The following ZNF37A variants were observed in gnomAD, a reference collection of about 807,000 sequenced individuals.
ZNF37A encodes the protein zinc finger protein 37A, also known as zinc finger protein 37a (KOX 21).
Under a neutral mutation model 12.3 loss-of-function variants are expected in ZNF37A, and 10 were observed. The observed-to-expected ratio is 0.82, with a 90% CI of 0.50 to 1.38. ZNF37A has a LOEUF of 1.38. Ranked by LOEUF, ZNF37A falls within the 40% of genes most tolerant of loss-of-function variation. The pLI is 0.00. For synonymous variants in ZNF37A, 207 were observed against 223.0 expected (o/e 0.93, Z 0.64); for missense variants, 580 against 651.2 (o/e 0.89, Z 1.19).
At chr10:38,132,460 C>T (rs2070041479) in intron 7 of ZNF37A, among the ~76,000 whole-genome samples, 1 of 152,004 alleles carries the variant, frequency 6.6e-6, no homozygotes, top group African/African-American at 2.4e-5. Context: ...ATGCTATTCA[C>T]TCATAATGAA....
At chr10:38,135,472 TTAA>T (rs1413704198) in intron 7 of ZNF37A, among the ~76,000 whole-genome samples, 1 of 152,248 alleles carries the variant, frequency 6.6e-6, no homozygotes, top group Non-Finnish European at 1.5e-5. Context: ...CATTGTGTGC[TTAA>T]TAATATAGAT....
chr10:38,131,895 A>G lies in ZNF37A; in HGVS notation c.239-14837A>G, dbSNP rs560386226. Among the ~76,000 whole-genome samples, 6 of 152,230 alleles carry G rather than the reference A, an allele frequency of 3.9e-5. No individual in the cohort carries two copies. The South Asian group carries it at 1.2e-3, about 32-fold the overall frequency. The stretch of plus-strand genomic sequence containing the variant: ...AAGTATTTAATTCTTTTTAGGTGCT[A>G]TTGTAAATGGAGTCACTTCCTAATT... On this transcript the variant is annotated intron_variant, in intron 7 of 7. Transcript: ENST00000638053.
intron 7 of ZNF37A, among the ~76,000 whole-genome samples, chr10:38,116,471 A>G (rs2069278132): frequency 1.3e-5 from 2 of 151,610 alleles, no homozygotes; most frequent in African/African-American, 4.8e-5. Flanking sequence ...CAATGGAAAA[A>G]CAATCAGTAT....
chr10:38,109,972 AC>A (rs1437269593), intron 5 of ZNF37A, among the ~76,000 whole-genome samples: 8 of 152,236 alleles, frequency 5.3e-5, no homozygotes, highest in African/African-American at 1.4e-4. Flanking sequence ...AACATTCTTC[AC>A]AGAATTAGAA....
chr10:38,118,881 T>G lies in ZNF37A; in HGVS notation c.*44T>G. On this transcript the variant is annotated 3_prime_UTR_variant, in exon 8 of 8. Coordinates refer to ENST00000685332, the MANE Select transcript of ZNF37A (RefSeq NM_001324250.3). ...CACAGAACATAAAGGGTGAGAGAAATCTGTTAATATAATGATAATGAGAAC... is the reference window on the plus strand; with the variant it reads ...CACAGAACATAAAGGGTGAGAGAAAGCTGTTAATATAATGATAATGAGAAC... 1 of 1,518,968 alleles carries G rather than the reference T, an allele frequency of 6.6e-7. No individual in the cohort carries two copies. Among genetic ancestry groups the G allele is most frequent in the Non-Finnish European group, 8.8e-7 (1 of 1,138,464 alleles). 94.1% of individuals were successfully genotyped at this position (1,518,968 alleles called of 1,614,324 possible).
chr10:38,100,384 A>G (rs2067465608), intron 5 of ZNF37A, among the ~76,000 whole-genome samples: 1 of 152,094 alleles, frequency 6.6e-6, no homozygotes, highest in African/African-American at 2.4e-5. Context: ...AGCCTGGGAG[A>G]ACTATGGGAG....
rs2068920145 is a variant in ZNF37A at position 38,112,806 on chromosome 10, T to TC, written c.16-1949_16-1948insC. Among the ~76,000 whole-genome samples, 6 of 148,678 alleles carry TC rather than the reference T, an allele frequency of 4.0e-5. 1 individual carries two copies. Among genetic ancestry groups the TC allele is most frequent in the African/African-American group, 1.3e-4 (5 of 38,780 alleles). ...TTTTCTTTTCTTTTCTTGTCTTGTC[T>TC]TGTCTTCTTTTCTTTTCTTTCACAG... On this transcript the variant is annotated intron_variant, in intron 5 of 7. Coordinates refer to ENST00000685332, the MANE Select transcript of ZNF37A (RefSeq NM_001324250.3).
chr10:38,112,310 T>A (rs1389397278), intron 5 of ZNF37A, among the ~76,000 whole-genome samples: 6 of 152,100 alleles, frequency 3.9e-5, no homozygotes, highest in African/African-American at 1.4e-4. Flanking sequence ...CTTCGGGTCT[T>A]TTGAGGTCTT....
At chr10:38,106,034 G>A (rs762525477) in intron 5 of ZNF37A, among the ~76,000 whole-genome samples, 10 of 152,156 alleles carry the variant, frequency 6.6e-5, no homozygotes, top group Non-Finnish European at 1.5e-4. Flanking sequence ...AATTGCAGTG[G>A]TGTGAAAGCA....
At chr10:38,138,982 T>C (rs1229708573) in intron 7 of ZNF37A, 1 of 138,946 alleles carries the variant, frequency 7.2e-6, no homozygotes, top group Non-Finnish European at 1.7e-5. Context: ...GCAGGTGTTC[T>C]TTTTTATAGC....
chr10:38,146,900 CACAA>C (rs1275801764), exon 8 of ZNF37A: 4 of 395,426 alleles, frequency 1.0e-5, no homozygotes, highest in African/African-American at 6.2e-5. Flanking sequence ...AGATGAGAGC[CACAA>C]ACAGAGTTTG....
At chr10:38,133,094 G>T (rs752014437) in intron 7 of ZNF37A, among the ~76,000 whole-genome samples, 4 of 151,810 alleles carry the variant, frequency 2.6e-5, no homozygotes, top group African/African-American at 4.8e-5. Context: ...ATTTATTTTG[G>T]TTACTATTTG....
Position 38,118,162 on chromosome 10 carries a change from T to C in ZNF37A, c.1011T>C (p.Ser337=). Residue 337 remains serine, a synonymous_variant, in exon 8 of 8, where the codon AGT becomes AGC. Transcript: ENST00000685332. ...GTCATGAATGTGGGAAATCCTTCAGTGAAAAGTCAACCCTTACTCAACATC... is the reference window on the plus strand; with the variant it reads ...GTCATGAATGTGGGAAATCCTTCAGCGAAAAGTCAACCCTTACTCAACATC... ...YGCHECGKSF[S]EKSTLTQHQR... 6.2e-7 allele frequency: 1 copy of C among 1,613,940 alleles called. No individual in the cohort carries two copies. Among genetic ancestry groups the C allele is most frequent in the Non-Finnish European group, 8.5e-7 (1 of 1,179,940 alleles).
rs145730068 is a variant in ZNF37A at position 38,133,001 on chromosome 10, T to A, written c.239-13731T>A. On this transcript the variant is annotated intron_variant, in intron 7 of 7. Transcript: ENST00000638053. ...ATAACTTTAATTGCTCTATTGACTC[T>A]CTTAGTGATATAGTCTCCTTTATCT... Among the ~76,000 whole-genome samples the A allele has an allele frequency of 7.1e-3, 1,087 of 152,284 alleles. 16 individuals are homozygous for A. The highest frequency in any genetic ancestry group is 0.025 in the African/African-American group (1,033 of 41,566).
downstream of ZNF37A, among the ~76,000 whole-genome samples, chr10:38,127,560 G>C (rs1191624074): frequency 6.6e-6 from 1 of 152,118 alleles, no homozygotes; most frequent in African/African-American, 2.4e-5. Flanking sequence ...TGCACTACTG[G>C]TATATGATGA....
At position 38,118,439 on chromosome 10, in the gene ZNF37A, C is replaced by G; in HGVS notation, c.1288C>G (p.Leu430Val). 6.2e-7 allele frequency: 1 copy of G among 1,613,992 alleles called. No individual in the cohort carries two copies. ...FSEKSTLTKH[L>V]RTHTGEKPYE... ...TGAGAAGTCAACCCTTACTAAACAT[C>G]TAAGAACTCACACAGGTGAGAAACC... Residue 430 changes from leucine (L) to valine (V), a missense_variant, in exon 8 of 8, where the codon CTA (leucine) becomes GTA (valine). Coordinates refer to ENST00000685332, the MANE Select transcript of ZNF37A (RefSeq NM_001324250.3).
intron 6 of ZNF37A, 88 bp from the exon 7 acceptor site, chr10:38,115,107 G>GTGTGTGTGTGTGTGTGTGTGTGTGTGTA (rs760818353): frequency 5.5e-6 from 5 of 917,326 alleles, no homozygotes; most frequent in Non-Finnish European, 4.9e-6. Flanking sequence ...GTGTGTGTGT[G>GTGTGTGTGTGTGTGTGTGTGTGTGTGTA]TGTGTGTGTA....
chr10:38,108,771 A>G (rs1212692461), intron 5 of ZNF37A, among the ~76,000 whole-genome samples: 1 of 152,224 alleles, frequency 6.6e-6, no homozygotes, highest in Non-Finnish European at 1.5e-5. Flanking sequence ...ACACCCTCTC[A>G]AGTCTAAAGC....
chr10:38,108,469 A>G (rs981568285), intron 5 of ZNF37A, among the ~76,000 whole-genome samples: 2 of 152,224 alleles, frequency 1.3e-5, no homozygotes, highest in Non-Finnish European at 2.9e-5. Context: ...TTCAAAAGCT[A>G]GCAGAAGGCA....
Sources: allele counts gnomAD v4.1 joint callset (sites outside exome capture counted in the v4.1 genomes callset), GRCh38; gene constraint gnomAD v4.1.1; transcripts MANE v1.5; gene names NCBI Gene and HGNC (gene_info 2026-07-23, HGNC 2026-07-21).